SEC13: variants seen among roughly 807,000 people sequenced by gnomAD.
The protein encoded by SEC13 is SEC13 homolog, nuclear pore and COPII component.
In SEC13, 25 loss-of-function variants were observed where a neutral mutation model predicts 49.2. That is an observed-to-expected ratio of 0.51 (90% CI 0.37 to 0.71). SEC13 has a LOEUF of 0.71. SEC13 is among the 30% of genes least tolerant of loss of function. The probability of loss-of-function intolerance (pLI) is 0.00; values close to 1 mark genes in which losing one functional copy is unlikely to be tolerated. For missense variants in SEC13, 383 were observed against 417.6 expected, an observed-to-expected ratio of 0.92 and a Z score of 0.72; for synonymous variants, 148 against 163.9, an observed-to-expected ratio of 0.90 and a Z score of 0.74.
Position 10,312,693 on chromosome 3 carries a change from G to C in SEC13, c.202C>G (p.Pro68Ala), listed in dbSNP as rs750987230. ...GPVWQVAWAH[P>A]MYGNILASCS... ...GATGCCAGGATGTTGCCGTACATGG[G>C]GTGAGCCCAGGCCACTTGCCACACA... is the stretch of plus-strand genomic sequence containing the variant. Residue 68 changes from proline to alanine, a missense_variant, in exon 4 of 9, where the codon CCC (proline) becomes GCC (alanine). Coordinates refer to ENST00000350697, the MANE Select transcript of SEC13 (RefSeq NM_183352.3). 6.2e-7 allele frequency: 1 copy of C among 1,614,034 alleles called. No individual in the cohort carries two copies. The highest frequency in any genetic ancestry group is 1.3e-5 in the African/African-American group (1 of 74,910).
chr3:10,311,898 G>A, intron 5 of SEC13, 67 bp downstream of exon 5: 1 of 1,613,796 alleles, frequency 6.2e-7, no homozygotes. Flanking sequence ...CACCCTCTAG[G>A]GAGGCTGCAG....
At position 10,305,158 on chromosome 3, in the gene SEC13, T is replaced by A; in HGVS notation, c.585-2A>T. The A allele has an allele frequency of 6.2e-7, 1 of 1,608,820 alleles. No individual in the cohort carries two copies. Among genetic ancestry groups the A allele is most frequent in the Non-Finnish European group, 8.5e-7 (1 of 1,177,180 alleles). On this transcript the variant is annotated splice_acceptor_variant, in intron 6 of 8. Coordinates refer to ENST00000350697, the MANE Select transcript of SEC13 (RefSeq NM_183352.3). LOFTEE classifies it high-confidence loss of function. ...TTCCACTGGCCGTCCTCCTCCTCCC[T>A]AACAGTGGGGACAGAAAGAGAATCA...
intron 1 of SEC13, among the ~76,000 whole-genome samples, chr3:10,318,303 G>A (rs555786564): frequency 5.3e-5 from 8 of 152,108 alleles, no homozygotes; most frequent in African/African-American, 1.7e-4. Flanking sequence ...TGAGAAGCTC[G>A]CGAATAATGC....
rs764858977 is a variant in SEC13, at chr3:10,304,046, C to G, written c.835G>C (p.Val279Leu). The G allele has an allele frequency of 1.2e-6, 2 of 1,614,166 alleles. No homozygotes were observed. Among genetic ancestry groups the G allele is most frequent in the South Asian group, 2.2e-5 (2 of 91,084 alleles). ...SWSITANILA[V>L]SGGDNKVTLW... ...TGTACCTTATTGTCTCCACCAGAGACAGCCAGGATGTTGGCTGTGATGGAC... is the reference window on the plus strand; with the variant it reads ...TGTACCTTATTGTCTCCACCAGAGAGAGCCAGGATGTTGGCTGTGATGGAC... Residue 279 changes from valine to leucine, a missense_variant, in exon 8 of 9, where the codon GTC (valine) becomes CTC (leucine). Val to Leu is a conservative substitution (Grantham distance 32, BLOSUM62 1). Transcript: ENST00000350697.
intron 2 of SEC13, among the ~76,000 whole-genome samples, chr3:10,316,941 C>T (rs3843382): frequency 6.9e-6 from 1 of 143,914 alleles, no homozygotes; most frequent in African/African-American, 2.6e-5. Context: ...GCGTAGGTTG[C>T]GGTGAGCTGA....
At chr3:10,302,892 G>A (rs1700626443) in intron 8 of SEC13, among the ~76,000 whole-genome samples, 1 of 152,228 alleles carries the variant, frequency 6.6e-6, no homozygotes, top group South Asian at 2.1e-4. Context: ...GCTACGTACA[G>A]CATGGAGGAA....
chr3:10,315,231 TG>T, intron 3 of SEC13, 89 bp downstream of exon 3: 2 of 930,380 alleles, frequency 2.1e-6, no homozygotes, highest in Non-Finnish European at 1.7e-6. Context: ...GCTCTGAATC[TG>T]GGCTCCCATG....
chr3:10,304,105 T>G lies in SEC13; in HGVS notation c.776A>C (p.His259Pro). ...SSNTWSPKLLHKFNDVVWHVS... is the reference protein window; with the variant it reads ...SSNTWSPKLLPKFNDVVWHVS... ...ATGCCACACCACATCGTTGAACTTG[T>G]GCAACAATTTAGGGGACCACGTATT... Residue 259 changes from histidine to proline, a missense_variant, in exon 8 of 9, where the codon CAC becomes CCC. Physicochemically the swap from His to Pro is moderately conservative, Grantham distance 77. Coordinates refer to ENST00000350697, the MANE Select transcript of SEC13 (RefSeq NM_183352.3). The G allele has an allele frequency of 6.2e-7, 1 of 1,614,088 alleles. No individual in the cohort carries two copies. The highest frequency in any genetic ancestry group is 2.2e-5 in the East Asian group (1 of 44,878).
At chr3:10,302,004 G>A (rs1198695874) in intron 8 of SEC13, among the ~76,000 whole-genome samples, 1 of 152,110 alleles carries the variant, frequency 6.6e-6, no homozygotes, top group Non-Finnish European at 1.5e-5. Flanking sequence ...CACTTTGGGA[G>A]GCTGAGATGG....
intron 1 of SEC13, among the ~76,000 whole-genome samples, chr3:10,320,286 G>A (rs1238929497): frequency 6.6e-6 from 1 of 152,152 alleles, no homozygotes; most frequent in African/African-American, 2.4e-5. Flanking sequence ...CAAACCTGCT[G>A]CTGAGACACA....
intron 5 of SEC13, among the ~76,000 whole-genome samples, chr3:10,310,037 G>A (rs1279803820): frequency 6.6e-6 from 1 of 151,708 alleles, no homozygotes; most frequent in Admixed American, 6.6e-5. Context: ...TTGCTCTGGA[G>A]GATCACAGAG....
In SEC13 at chr3:10,302,477, C is replaced by CG. The variant is rs140898606; in HGVS notation, c.856-1104dup. 6.9e-3 allele frequency among the ~76,000 whole-genome samples: 1,053 copies of CG among 152,274 alleles called. 2 individuals carry two copies. The highest frequency in any genetic ancestry group is 0.024 in the African/African-American group (995 of 41,530). On this transcript the variant is annotated intron_variant, in intron 8 of 8. Transcript: ENST00000350697. Reference sequence around the variant, plus strand: ...AGCAAGAAGCCTAAATGCACAGTGACGGGCCCCACAACACTGCGTGCACAG... The same window carrying CG: ...AGCAAGAAGCCTAAATGCACAGTGACGGGGCCCCACAACACTGCGTGCACAG...
intron 3 of SEC13, 175 bp downstream of exon 3, chr3:10,315,146 C>A (rs1701521728): frequency 1.7e-6 from 1 of 586,096 alleles, no homozygotes; most frequent in Admixed American, 3.2e-5. Context: ...CAGCATCATC[C>A]CTGGGGACGT....
At chr3:10,317,149 A>C (rs1701659285) in intron 2 of SEC13, among the ~76,000 whole-genome samples, 3 of 152,204 alleles carry the variant, frequency 2.0e-5, no homozygotes. Flanking sequence ...TTTTCCCGTA[A>C]GTAAATTGAG....
At chr3:10,310,464 C>T (rs1404284520) in intron 5 of SEC13, among the ~76,000 whole-genome samples, 1 of 152,118 alleles carries the variant, frequency 6.6e-6, no homozygotes, top group South Asian at 2.1e-4. Flanking sequence ...GCACTCCAGC[C>T]TGGGTGACAG....
In SEC13 at chr3:10,301,104, C is replaced by T. The variant is rs759665078; in HGVS notation, c.*157G>A. 1.7e-5 allele frequency: 28 copies of T among 1,613,332 alleles called. No homozygotes were observed. The highest frequency in any genetic ancestry group is 1.1e-4 in the South Asian group (10 of 91,056). ...GTAGATTACAAAGCATCTCCGATCA[C>T]GTTAAGGCAGATGATCAATCTGTGG... On this transcript the variant is annotated 3_prime_UTR_variant, in exon 9 of 9. Coordinates refer to ENST00000350697, the MANE Select transcript of SEC13 (RefSeq NM_183352.3).
rs182754608 is a variant in SEC13 at position 10,311,736 on chromosome 3, C to T, written c.450+229G>A. 632 of 1,391,524 alleles carry T rather than the reference C, an allele frequency of 4.5e-4. 2 individuals are homozygous for T. In the African/African-American group the frequency reaches 6.6e-3, roughly 15 times the overall value. 86.2% of individuals were successfully genotyped at this position (1,391,524 alleles called of 1,614,324 possible). ...GTGAGCAGGCTGCTGCTGCACCAGC[C>T]CTCCCCTGCTTGGGAGCACACAACA... On this transcript the variant is annotated intron_variant, in intron 5 of 8. Coordinates refer to ENST00000350697, the MANE Select transcript of SEC13 (RefSeq NM_183352.3).
chr3:10,312,475 G>A, intron 4 of SEC13, 104 bp downstream of exon 4: 2 of 1,395,396 alleles, frequency 1.4e-6, no homozygotes, highest in Non-Finnish European at 2.0e-6. Context: ...TCAAGAGACA[G>A]ACAAGAGGCA....
chr3:10,302,008 GA>G (rs1423559968), intron 8 of SEC13, among the ~76,000 whole-genome samples: 2 of 152,126 alleles, frequency 1.3e-5, no homozygotes, highest in Non-Finnish European at 2.9e-5. Context: ...TTGGGAGGCT[GA>G]GATGGGTGGA....
Sources: gnomAD v4.1 joint callset for allele counts (sites outside exome capture counted in the v4.1 genomes callset) on GRCh38, gnomAD v4.1.1 for gene constraint, MANE v1.5 for transcripts, NCBI Gene and HGNC (gene_info 2026-07-23, HGNC 2026-07-21) for gene names.